TNIP3: variants seen among roughly 807,000 people sequenced by gnomAD.
TNIP3 encodes TNFAIP3 interacting protein 3.
TNIP3 carries 34 observed loss-of-function variants against 54.1 expected under a neutral mutation model. That is an observed-to-expected ratio of 0.63 (90% CI 0.48 to 0.84). TNIP3 has a LOEUF of 0.84. TNIP3 is among the 40% of genes least tolerant of loss of function. The pLI, the probability that TNIP3 is intolerant of heterozygous loss-of-function variation, is 0.00. For synonymous variants in TNIP3, 134 were observed against 136.8 expected (o/e 0.98, Z 0.14); for missense variants, 366 against 387.6 (o/e 0.94, Z 0.47).
chr4:121,164,792 A>G (rs946342649), upstream of TNIP3, among the ~76,000 whole-genome samples: 1 of 152,230 alleles, frequency 6.6e-6, no homozygotes, highest in African/African-American at 2.4e-5. Flanking sequence ...CTAATCTTCT[A>G]TATTGGCAGA....
chr4:121,196,235 C>A (rs1431882357), intron 2 of TNIP3, among the ~76,000 whole-genome samples: 1 of 152,146 alleles, frequency 6.6e-6, no homozygotes, highest in African/African-American at 2.4e-5. Context: ...ACAATACTTT[C>A]TTTTTATAGC....
rs766985820 is a variant in TNIP3 at position 121,138,670 on chromosome 4, C to T, written c.900G>A (p.Trp300Ter). 7 of 1,613,818 alleles carry T rather than the reference C, an allele frequency of 4.3e-6. No homozygotes were observed. Among genetic ancestry groups the T allele is most frequent in the Non-Finnish European group, 5.9e-6 (7 of 1,179,836 alleles). ...KQREHPPDYQ[W>*]YALDQLPPDV... Reference sequence around the variant, plus strand: ...CTGGCGGAAGCTGGTCAAGAGCATACCACTGATAGTCTGGCTGTGTGGAAC... The same window carrying T: ...CTGGCGGAAGCTGGTCAAGAGCATATCACTGATAGTCTGGCTGTGTGGAAC... Residue 300 changes from tryptophan to a stop codon, truncating the protein, a stop_gained, in exon 10 of 11, where the codon TGG (tryptophan) becomes TGA (stop). Coordinates refer to ENST00000057513, the MANE Select transcript of TNIP3 (RefSeq NM_024873.6). LOFTEE classifies it high-confidence loss of function.
chr4:121,170,446 G>A (rs1306480056), intron 3 of TNIP3, among the ~76,000 whole-genome samples: 1 of 152,156 alleles, frequency 6.6e-6, no homozygotes, highest in Non-Finnish European at 1.5e-5. Flanking sequence ...TGATCAGGTA[G>A]GACTGTGAAC....
chr4:121,144,171 T>C (rs1313974702), intron 7 of TNIP3, among the ~76,000 whole-genome samples: 1 of 152,184 alleles, frequency 6.6e-6, no homozygotes, highest in Non-Finnish European at 1.5e-5. Flanking sequence ...TACTATATTG[T>C]GAGTTATTTA....
chr4:121,215,957 T>C (rs1427261930), intron 2 of TNIP3, among the ~76,000 whole-genome samples: 1 of 151,068 alleles, frequency 6.6e-6, no homozygotes, highest in Admixed American at 6.6e-5. Context: ...ATTGATAGAA[T>C]GTGGAAAGCG....
At chr4:121,138,731 A>G in intron 9 of TNIP3, 47 bp from the exon 10 acceptor site, 1 of 1,520,818 alleles carries the variant, frequency 6.6e-7, no homozygotes, top group South Asian at 1.1e-5. Context: ...GACTTCAAAT[A>G]TAGTGGCATG....
At chr4:121,222,803 C>CTTTTTT (rs1727082965) in intron 1 of TNIP3, among the ~76,000 whole-genome samples, 1 of 77,058 alleles carries the variant, frequency 1.3e-5, no homozygotes, top group African/African-American at 5.0e-5. Flanking sequence ...GTTTTTTGTG[C>CTTTTTT]GTTTTTTTTT....
At chr4:121,162,254 T>C (rs1401268339) in intron 1 of TNIP3, among the ~76,000 whole-genome samples, 1 of 152,264 alleles carries the variant, frequency 6.6e-6, no homozygotes, top group African/African-American at 2.4e-5. Context: ...CTATCTTTTC[T>C]CTGTTTGTTT....
chr4:121,221,855 A>C (rs1164753133), intron 1 of TNIP3, among the ~76,000 whole-genome samples: 1 of 152,176 alleles, frequency 6.6e-6, no homozygotes, highest in Non-Finnish European at 1.5e-5. Context: ...TTATAGCAGT[A>C]AAGTTTTTTG....
At chr4:121,155,119 C>A (rs528577505) in intron 4 of TNIP3, among the ~76,000 whole-genome samples, 1 of 152,012 alleles carries the variant, frequency 6.6e-6, no homozygotes, top group African/African-American at 2.4e-5. Context: ...CCTGCCACCA[C>A]GCCCGGCTAA....
chr4:121,214,424 A>G (rs1255925142), intron 2 of TNIP3, among the ~76,000 whole-genome samples: 1 of 152,222 alleles, frequency 6.6e-6, no homozygotes, highest in East Asian at 1.9e-4. Context: ...AATAGAACTA[A>G]ACAGTAAATT....
chr4:121,195,718 C>T (rs980790518), intron 2 of TNIP3, among the ~76,000 whole-genome samples: 1 of 152,106 alleles, frequency 6.6e-6, no homozygotes, highest in Non-Finnish European at 1.5e-5. Flanking sequence ...TATACAAAGG[C>T]TAGAAGACAA....
rs182509681 is a variant in TNIP3 at position 121,191,791 on chromosome 4, C to A, written c.69-8995G>T. ...AAAACACTACTATCTTAAAATTATTCTCTCAACTCAAACCAATATTGTTAA... is the reference window on the plus strand; with the variant it reads ...AAAACACTACTATCTTAAAATTATTATCTCAACTCAAACCAATATTGTTAA... On this transcript the variant is annotated intron_variant, in intron 2 of 12. Transcript: ENST00000507879. Among the ~76,000 whole-genome samples the A allele has an allele frequency of 6.9e-4, 105 of 152,216 alleles. 1 individual carries two copies. Among genetic ancestry groups the A allele is most frequent in the African/African-American group, 2.4e-3 (99 of 41,546 alleles).
intron 2 of TNIP3, among the ~76,000 whole-genome samples, chr4:121,199,311 A>G (rs1173568973): frequency 6.6e-6 from 1 of 152,242 alleles, no homozygotes; most frequent in African/African-American, 2.4e-5. Context: ...TCTACAGCAC[A>G]CTAAGCTTCA....
intron 2 of TNIP3, among the ~76,000 whole-genome samples, chr4:121,206,252 T>C (rs1295670996): frequency 2.6e-5 from 4 of 152,196 alleles, no homozygotes; most frequent in African/African-American, 7.2e-5. Flanking sequence ...ACTTCTCAAG[T>C]AGACATGTTG....
chr4:121,156,438 C>A (rs994633782), intron 4 of TNIP3, among the ~76,000 whole-genome samples: 4 of 152,188 alleles, frequency 2.6e-5, no homozygotes, highest in African/African-American at 9.7e-5. Context: ...CAGTTCTCAG[C>A]AAGGGACTGA....
chr4:121,217,081 T>G (rs1726829750), upstream of TNIP3, among the ~76,000 whole-genome samples: 1 of 152,248 alleles, frequency 6.6e-6, no homozygotes, highest in African/African-American at 2.4e-5. Flanking sequence ...AATTTATTAT[T>G]AAGTTTCACT....
chr4:121,137,877 T>C (rs1728879055), intron 10 of TNIP3: 1 of 451,854 alleles, frequency 2.2e-6, no homozygotes, highest in Admixed American at 2.4e-5. Context: ...TTTAAACATG[T>C]AGCAGACATT....
At chr4:121,179,458 A>T (rs1349122077) in intron 3 of TNIP3, among the ~76,000 whole-genome samples, 4 of 152,334 alleles carry the variant, frequency 2.6e-5, no homozygotes, top group South Asian at 4.1e-4. Context: ...GTTTTGTTCT[A>T]AATGTGACAG....
Sources: gnomAD v4.1 joint callset for allele counts (sites outside exome capture counted in the v4.1 genomes callset) on GRCh38, gnomAD v4.1.1 for gene constraint, MANE v1.5 for transcripts, NCBI Gene and HGNC (gene_info 2026-07-23, HGNC 2026-07-21) for gene names.